APLP2: variants seen among roughly 807,000 people sequenced by gnomAD.
APLP2 encodes the protein CDEI box-binding protein.
A neutral mutation model predicts 89.9 loss-of-function variants in APLP2; 53 were observed. That is an observed-to-expected ratio of 0.59 (90% CI 0.47 to 0.74). The LOEUF is 0.74. Ranked by LOEUF, APLP2 falls within the 30% of genes least tolerant of loss-of-function variation. The pLI, the probability that APLP2 is intolerant of heterozygous loss-of-function variation, is 0.00. For missense variants in APLP2, 973 were observed against 975.9 expected, an observed-to-expected ratio of 1.00 and a Z score of 0.04; for synonymous variants, 372 against 348.6, an observed-to-expected ratio of 1.07 and a Z score of -0.75.
chr11:130,122,231 T>C, intron 5 of APLP2, 74 bp from the exon 6 acceptor site: 1 of 1,534,984 alleles, frequency 6.5e-7, no homozygotes, highest in Non-Finnish European at 8.9e-7. Context: ...TGTTTCAGAA[T>C]AGAGAAGGGA....
chr11:130,079,506 G>A (rs561361502), intron 1 of APLP2, among the ~76,000 whole-genome samples: 1 of 152,210 alleles, frequency 6.6e-6, no homozygotes, highest in African/African-American at 2.4e-5. Flanking sequence ...ATAGTCATTT[G>A]ATCTTTTTTA....
At chr11:130,105,388 G>A (rs12575525) in intron 1 of APLP2, among the ~76,000 whole-genome samples, 1 of 151,870 alleles carries the variant, frequency 6.6e-6, no homozygotes, top group Non-Finnish European at 1.5e-5. Flanking sequence ...TGCACTCCAC[G>A]TGGGTGACAG....
At chr11:130,070,521 C>G (rs1333873146) in intron 1 of APLP2, 1 of 1,243,638 alleles carries the variant, frequency 8.0e-7, no homozygotes, top group Non-Finnish European at 1.0e-6. Context: ...CGCGCGGCAC[C>G]GGGGCCTCGG....
chr11:130,083,021 C>CTTT lies in APLP2; in HGVS notation c.105+12941_105+12943dup, dbSNP rs1469566240. Among the ~76,000 whole-genome samples, 199 of 79,962 alleles carry CTTT rather than the reference C, an allele frequency of 2.5e-3. 6 individuals carry two copies. The highest frequency in any genetic ancestry group is 9.5e-3 in the East Asian group (19 of 1,992). The allele number at this position is 79,962 out of a possible 152,430, so 52.5% of individuals were successfully genotyped here. On this transcript the variant is annotated intron_variant, in intron 1 of 16. Coordinates refer to ENST00000338167, the MANE Select transcript of APLP2 (RefSeq NM_001142276.2). ...AAATATATTAACCACTGAAACTTTT[C>CTTT]TTTTCTTTTTTTTTTTTTTTTTTTT...
chr11:130,119,441 CAA>C (rs1256467742), intron 3 of APLP2, among the ~76,000 whole-genome samples: 1 of 152,162 alleles, frequency 6.6e-6, no homozygotes, highest in African/African-American at 2.4e-5. Flanking sequence ...CATGGCCAAA[CAA>C]GAGACGATGA....
At chr11:130,110,479 T>C (rs1948407981) in intron 2 of APLP2, 59 bp from the exon 3 acceptor site, 1 of 1,593,976 alleles carries the variant, frequency 6.3e-7, no homozygotes, top group Admixed American at 1.7e-5. Flanking sequence ...CATCCTTACT[T>C]GCAAGTGTGT....
chr11:130,116,832 T>C (rs559765897), intron 3 of APLP2, among the ~76,000 whole-genome samples: 27 of 152,154 alleles, frequency 1.8e-4, no homozygotes, highest in Non-Finnish European at 2.1e-4. Flanking sequence ...TTAAAAGATA[T>C]ATATATATAT....
intron 3 of APLP2, among the ~76,000 whole-genome samples, chr11:130,112,138 C>T (rs564135742): frequency 5.3e-5 from 8 of 152,270 alleles, no homozygotes; most frequent in African/African-American, 1.7e-4. Flanking sequence ...GCCGAGGCAC[C>T]TCGGGGCATT....
intron 3 of APLP2, among the ~76,000 whole-genome samples, chr11:130,111,231 G>T (rs1451723954): frequency 1.3e-5 from 2 of 152,148 alleles, no homozygotes; most frequent in African/African-American, 2.4e-5. Flanking sequence ...GAGTAAAACG[G>T]TAACTGTTTG....
intron 13 of APLP2, among the ~76,000 whole-genome samples, chr11:130,137,786 A>C (rs1392689278): frequency 1.3e-5 from 2 of 152,034 alleles, no homozygotes; most frequent in African/African-American, 4.8e-5. Flanking sequence ...TGAGTTGTAT[A>C]TTCCTCAGAA....
chr11:130,113,421 T>TATAC (rs1472358792), intron 3 of APLP2, among the ~76,000 whole-genome samples: 3 of 152,200 alleles, frequency 2.0e-5, no homozygotes, highest in Non-Finnish European at 4.4e-5. Context: ...AATAAAGCAT[T>TATAC]ATACAATCTT....
chr11:130,118,662 G>C (rs1290993257), intron 3 of APLP2, among the ~76,000 whole-genome samples: 1 of 152,144 alleles, frequency 6.6e-6, no homozygotes, highest in African/African-American at 2.4e-5. Flanking sequence ...TGAGTATCAG[G>C]GTTGTTCATT....
At chr11:130,083,285 T>C (rs1943552554) in intron 1 of APLP2, among the ~76,000 whole-genome samples, 1 of 152,130 alleles carries the variant, frequency 6.6e-6, no homozygotes, top group African/African-American at 2.4e-5. Context: ...CAGTCCTGCC[T>C]TGGCCTCCCC....
intron 3 of APLP2, among the ~76,000 whole-genome samples, chr11:130,111,501 C>G (rs562417255): frequency 3.9e-5 from 6 of 152,322 alleles, no homozygotes; most frequent in African/African-American, 1.4e-4. Context: ...TTATTCTCCT[C>G]TCTCCCTTCT....
At chr11:130,120,076 A>T (rs1949645826) in intron 3 of APLP2, among the ~76,000 whole-genome samples, 1 of 152,184 alleles carries the variant, frequency 6.6e-6, no homozygotes, top group African/African-American at 2.4e-5. Context: ...TTCAAATGAT[A>T]ATATATTTTG....
intron 5 of APLP2, among the ~76,000 whole-genome samples, 197 bp downstream of exon 5, chr11:130,122,007 C>A (rs553395330): frequency 2.3e-4 from 35 of 152,212 alleles, no homozygotes; most frequent in African/African-American, 7.7e-4. Context: ...TTACATCATT[C>A]TGAGCTGTTA....
At chr11:130,077,624 C>CA (rs1223560454) in intron 1 of APLP2, among the ~76,000 whole-genome samples, 3 of 145,038 alleles carry the variant, frequency 2.1e-5, no homozygotes, top group East Asian at 2.2e-4. Flanking sequence ...AAAAAAAAAA[C>CA]AAAAAACCAC....
At chr11:130,074,507 C>A (rs539501215) in intron 1 of APLP2, among the ~76,000 whole-genome samples, 1 of 152,344 alleles carries the variant, frequency 6.6e-6, no homozygotes, top group East Asian at 1.9e-4. Context: ...AGCCTCCACA[C>A]CTGGCCCCTT....
intron 11 of APLP2, among the ~76,000 whole-genome samples, chr11:130,130,842 G>A (rs1014976902): frequency 7.9e-5 from 12 of 152,180 alleles, no homozygotes; most frequent in East Asian, 1.9e-4. Context: ...CTTACTGCAC[G>A]GGTGCTGGCC....
Sources: allele counts gnomAD v4.1 joint callset (sites outside exome capture counted in the v4.1 genomes callset), GRCh38; gene constraint gnomAD v4.1.1; transcripts MANE v1.5; gene names NCBI Gene and HGNC (gene_info 2026-07-23, HGNC 2026-07-21).